The following TCERG1L variants were observed in gnomAD, a reference collection of about 807,000 sequenced individuals.
TCERG1L encodes the protein transcription elongation regulator 1-like protein.
A neutral mutation model predicts 56.3 loss-of-function variants in TCERG1L; 37 were observed. The observed-to-expected ratio is 0.66, with a 90% CI of 0.51 to 0.87. TCERG1L has a LOEUF of 0.87. Among genes scored for constraint, TCERG1L ranks in the 40% least tolerant of loss-of-function variants. TCERG1L has a pLI of 0.00. For missense variants in TCERG1L, 799 were observed against 774.2 expected, an observed-to-expected ratio of 1.03 and a Z score of -0.38; for synonymous variants, 324 against 326.3, an observed-to-expected ratio of 0.99 and a Z score of 0.08.
chr10:131,127,404 C>T (rs1025251051), intron 8 of TCERG1L, among the ~76,000 whole-genome samples: 9 of 152,190 alleles, frequency 5.9e-5, no homozygotes, highest in Non-Finnish European at 1.3e-4. Context: ...AGGCAGCCCC[C>T]GGGCCTCTGC....
At chr10:131,193,169 C>G (rs557220811) in intron 4 of TCERG1L, among the ~76,000 whole-genome samples, 1 of 152,260 alleles carries the variant, frequency 6.6e-6, no homozygotes, top group East Asian at 1.9e-4. Flanking sequence ...TGAAAAATAT[C>G]TACGCATGGC....
At chr10:131,096,962 G>A (rs994540906) in intron 11 of TCERG1L, among the ~76,000 whole-genome samples, 22 of 151,806 alleles carry the variant, frequency 1.4e-4, no homozygotes, top group African/African-American at 5.1e-4. Context: ...TACTTTGGGA[G>A]GTCGAGGTGG....
chr10:131,160,169 T>C (rs548310193), intron 6 of TCERG1L, among the ~76,000 whole-genome samples: 3 of 152,180 alleles, frequency 2.0e-5, no homozygotes, highest in South Asian at 2.1e-4. Context: ...TCAAAGGTAT[T>C]AGTTCGTCTC....
chr10:131,136,694 C>T (rs1845678900), intron 7 of TCERG1L, among the ~76,000 whole-genome samples: 1 of 151,836 alleles, frequency 6.6e-6, no homozygotes, highest in Admixed American at 6.6e-5. Flanking sequence ...CAGGGTTTTA[C>T]CATGTTGGCC....
intron 4 of TCERG1L, among the ~76,000 whole-genome samples, chr10:131,229,618 G>A (rs1199099159): frequency 6.6e-6 from 1 of 152,068 alleles, no homozygotes; most frequent in East Asian, 1.9e-4. Flanking sequence ...GGAGGTAGAT[G>A]AAACCCCAAA....
intron 3 of TCERG1L, among the ~76,000 whole-genome samples, chr10:131,296,416 AAATC>A (rs1487136111): frequency 6.6e-6 from 1 of 152,224 alleles, no homozygotes; most frequent in African/African-American, 2.4e-5. Flanking sequence ...CTTGTAATAA[AAATC>A]AATTGGCCAT....
chr10:131,177,725 C>CAG (rs1344501241), intron 4 of TCERG1L, among the ~76,000 whole-genome samples: 1 of 152,108 alleles, frequency 6.6e-6, no homozygotes. Flanking sequence ...GAGTCCGGCA[C>CAG]AGAGCAGCAG....
In TCERG1L at chr10:131,109,318, G is replaced by A. The variant is rs142677911; in HGVS notation, c.1396-4964C>T. On this transcript the variant is annotated intron_variant, in intron 9 of 11. Transcript: ENST00000368642. ...ACCCCGCTGTACATCGTCACATCACGCCCTGACGAACAGTGACAGTGATCC... is the reference window on the plus strand; with the variant it reads ...ACCCCGCTGTACATCGTCACATCACACCCTGACGAACAGTGACAGTGATCC... Among the ~76,000 whole-genome samples the A allele has an allele frequency of 4.7e-3, 714 of 152,226 alleles. 7 individuals carry two copies. Among genetic ancestry groups the A allele is most frequent in the African/African-American group, 0.016 (676 of 41,538 alleles).
At chr10:131,286,924 T>C (rs569042282) in intron 3 of TCERG1L, among the ~76,000 whole-genome samples, 2 of 152,320 alleles carry the variant, frequency 1.3e-5, no homozygotes, top group East Asian at 1.9e-4. Context: ...GATCGAGACG[T>C]GTTGCGAATA....
At chr10:131,178,449 A>G (rs961583342) in intron 4 of TCERG1L, among the ~76,000 whole-genome samples, 1 of 152,126 alleles carries the variant, frequency 6.6e-6, no homozygotes, top group Non-Finnish European at 1.5e-5. Flanking sequence ...GGTCTACCAG[A>G]TGGCGGCATG....
rs1564789857 is a variant in TCERG1L at position 131,093,202 on chromosome 10, CG to C, written c.1720del (p.Arg574GlyfsTer7). On this transcript the variant is annotated frameshift_variant, in exon 12 of 12. Coordinates refer to ENST00000368642, the MANE Select transcript of TCERG1L (RefSeq NM_174937.4). LOFTEE classifies it high-confidence loss of function. ...CAGCCTTAGTCTGTTTTCCTTGTCC[CG>C]TTTCTTAAGAATAAGTATGAATTGG... Reference protein sequence around the residue: ...FNQFILILKKRDKENRLRLRK... With the variant: ...FNQFILILKKXDKENRLRLRK... 5 of 1,613,868 alleles carry C rather than the reference CG, an allele frequency of 3.1e-6. No individual in the cohort carries two copies. The highest frequency in any genetic ancestry group is 4.2e-6 in the Non-Finnish European group (5 of 1,179,860).
intron 6 of TCERG1L, among the ~76,000 whole-genome samples, chr10:131,156,627 G>A (rs185243520): frequency 6.6e-6 from 1 of 152,304 alleles, no homozygotes; most frequent in African/African-American, 2.4e-5. Context: ...GGACCTGGCA[G>A]TTGAAGATCG....
intron 4 of TCERG1L, among the ~76,000 whole-genome samples, chr10:131,174,314 G>A (rs538168661): frequency 1.3e-5 from 2 of 152,318 alleles, no homozygotes; most frequent in Non-Finnish European, 2.9e-5. Context: ...ACGCCCGGCC[G>A]CACAGGCTGA....
At chr10:131,185,449 T>A (rs2133456464) in intron 4 of TCERG1L, among the ~76,000 whole-genome samples, 1 of 152,236 alleles carries the variant, frequency 6.6e-6, no homozygotes, top group South Asian at 2.1e-4. Flanking sequence ...AAAAACAACC[T>A]TCAGAATGGG....
chr10:131,298,152 T>C (rs1045392939), intron 3 of TCERG1L, among the ~76,000 whole-genome samples: 1 of 151,750 alleles, frequency 6.6e-6, no homozygotes, highest in Admixed American at 6.6e-5. Context: ...GTATTTCTTT[T>C]TTTTTTTAAT....
intron 4 of TCERG1L, among the ~76,000 whole-genome samples, chr10:131,221,773 T>G (rs933133058): frequency 6.6e-6 from 1 of 152,212 alleles, no homozygotes; most frequent in Non-Finnish European, 1.5e-5. Flanking sequence ...CAGCCCGGTC[T>G]GCTTTTCTGC....
chr10:131,214,023 T>G (rs1043264173), intron 4 of TCERG1L, among the ~76,000 whole-genome samples: 2 of 142,102 alleles, frequency 1.4e-5, no homozygotes, highest in Non-Finnish European at 3.1e-5. Flanking sequence ...CAAACATGCT[T>G]TTAATGTTAC....
At chr10:131,225,385 T>C (rs1845780444) in intron 4 of TCERG1L, among the ~76,000 whole-genome samples, 1 of 152,164 alleles carries the variant, frequency 6.6e-6, no homozygotes, top group South Asian at 2.1e-4. Flanking sequence ...GGAAGACCAT[T>C]GCACCTGTGT....
chr10:131,176,922 GCA>G (rs1203993840), intron 4 of TCERG1L, among the ~76,000 whole-genome samples: 11 of 5,284 alleles, frequency 2.1e-3, no homozygotes, highest in African/African-American at 3.5e-3. Context: ...CAAGATACAT[GCA>G]CACAGACACG....
Sources: allele counts gnomAD v4.1 joint callset (sites outside exome capture counted in the v4.1 genomes callset), GRCh38; gene constraint gnomAD v4.1.1; transcripts MANE v1.5; gene names NCBI Gene and HGNC (gene_info 2026-07-23, HGNC 2026-07-21).